LEMD1: variants seen among roughly 807,000 people sequenced by gnomAD.
The protein encoded by LEMD1 is LEM domain containing 1.
Under a neutral mutation model 17.4 loss-of-function variants are expected in LEMD1, and 18 were observed. The observed-to-expected ratio is 1.04, with a 90% CI of 0.72 to 1.54. The LOEUF (loss-of-function observed/expected upper bound fraction) is 1.54. LEMD1 is among the 40% of genes most tolerant of loss of function. The probability of loss-of-function intolerance (pLI) is 0.00; values close to 1 mark genes in which losing one functional copy is unlikely to be tolerated. For missense variants in LEMD1, 195 were observed against 210.4 expected, an observed-to-expected ratio of 0.93 and a Z score of 0.45; for synonymous variants, 88 against 77.8, an observed-to-expected ratio of 1.13 and a Z score of -0.69.
chr1:205,394,399 T>A (rs1002973924), intron 4 of LEMD1, among the ~76,000 whole-genome samples: 1 of 150,560 alleles, frequency 6.6e-6, no homozygotes, highest in Non-Finnish European at 1.5e-5. Context: ...TAATTAATTT[T>A]TTGAGATGGA....
chr1:205,439,105 C>T (rs1666253019), intron 1 of LEMD1, among the ~76,000 whole-genome samples: 1 of 152,210 alleles, frequency 6.6e-6, no homozygotes, highest in African/African-American at 2.4e-5. Context: ...ACATGCCCTC[C>T]AGGAGGCTCT....
chr1:205,390,979 G>A (rs537926745), intron 4 of LEMD1, among the ~76,000 whole-genome samples: 193 of 151,486 alleles, frequency 1.3e-3, no homozygotes, highest in Non-Finnish European at 2.2e-3. Context: ...TGGGCGATGC[G>A]ATCATTAGAA....
chr1:205,417,679 G>A lies in LEMD1; in HGVS notation c.206-1383C>T, dbSNP rs573599473. Among the ~76,000 whole-genome samples, 16 of 152,092 alleles carry A rather than the reference G, an allele frequency of 1.1e-4. No individual in the cohort carries two copies. The South Asian group carries it at 1.7e-3, about 16-fold the overall frequency. ...GCCATCCTTTTCAAGTGAGGCCAGC[G>A]GTGCAAAACCCCTGGGGAAAGCTTT... On this transcript the variant is annotated intron_variant, in intron 3 of 5. Coordinates refer to ENST00000367153, the MANE Select transcript of LEMD1 (RefSeq NM_001199050.2).
chr1:205,412,576 G>T lies in LEMD1; in HGVS notation c.270+3656C>A, dbSNP rs538655605. Among the ~76,000 whole-genome samples the T allele has an allele frequency of 3.3e-5, 5 of 152,252 alleles. No individual in the cohort carries two copies. In the East Asian group the frequency reaches 9.6e-4, roughly 29 times the overall value. On this transcript the variant is annotated intron_variant, in intron 4 of 5. Transcript: ENST00000367153. ...AGAAGACTGTTAGGTACAAACAAAT[G>T]CTCTTAAGTAATTAAAGTCTACAGT...
At chr1:205,382,014 T>C in intron 5 of LEMD1, 158 bp from the exon 6 acceptor site, 2 of 663,780 alleles carry the variant, frequency 3.0e-6, no homozygotes, top group East Asian at 5.2e-5. Context: ...TCTTTTTTTT[T>C]CTTTTAAGAC....
chr1:205,411,671 A>AAAGAAAGAAAAG (rs952549403), intron 4 of LEMD1, among the ~76,000 whole-genome samples: 5 of 146,168 alleles, frequency 3.4e-5, no homozygotes, highest in South Asian at 2.2e-4. Context: ...AGAAAGAAAG[A>AAAGAAAGAAAAG]AAAGAAAGAA....
intron 4 of LEMD1, among the ~76,000 whole-genome samples, chr1:205,412,133 AC>A (rs1207518826): frequency 2.6e-5 from 4 of 152,168 alleles, no homozygotes; most frequent in Non-Finnish European, 4.4e-5. Flanking sequence ...TTATACGGCC[AC>A]CTTACTCAAA....
intron 4 of LEMD1, among the ~76,000 whole-genome samples, chr1:205,399,875 TGAA>T (rs1431732187): frequency 3.9e-5 from 6 of 152,058 alleles, no homozygotes; most frequent in African/African-American, 1.4e-4. Flanking sequence ...AACTAATAAA[TGAA>T]GAAGGACTGA....
intron 4 of LEMD1, among the ~76,000 whole-genome samples, chr1:205,402,922 T>C (rs1166998736): frequency 6.6e-6 from 1 of 152,058 alleles, no homozygotes; most frequent in Non-Finnish European, 1.5e-5. Context: ...GGTTGTTGAA[T>C]TTTGTCAAAG....
chr1:205,441,814 A>C lies in LEMD1; in HGVS notation c.-39+8054T>G, dbSNP rs1179183452. On this transcript the variant is annotated intron_variant, in intron 1 of 3. Coordinates refer to the LEMD1 transcript ENST00000367154. This position sits in a 1 kb window ranked among gnomAD's most constrained non-coding sequence, Gnocchi z 4.3. Reference sequence around the variant, plus strand: ...GACATGGTTTCTTCCCTGGCACATAAGTCTGAGGTAGAGGCTGAGGCTGGA... The same window carrying C: ...GACATGGTTTCTTCCCTGGCACATACGTCTGAGGTAGAGGCTGAGGCTGGA... Among the ~76,000 whole-genome samples the C allele has an allele frequency of 6.6e-6, 1 of 152,156 alleles. No individual in the cohort carries two copies. The highest frequency in any genetic ancestry group is 2.4e-5 in the African/African-American group (1 of 41,428).
chr1:205,395,048 A>T (rs189645305), intron 4 of LEMD1, among the ~76,000 whole-genome samples: 1 of 152,102 alleles, frequency 6.6e-6, no homozygotes, highest in Admixed American at 6.6e-5. Context: ...AAAAATCTTG[A>T]TTCTTGTCAT....
At chr1:205,428,883 G>A (rs750728929) in intron 1 of LEMD1, among the ~76,000 whole-genome samples, 1 of 152,156 alleles carries the variant, frequency 6.6e-6, no homozygotes, top group Non-Finnish European at 1.5e-5. Context: ...AGTGGAGAGT[G>A]TCAGGAATGA....
Position 205,381,611 on chromosome 1 carries a change from C to T in LEMD1, c.*47G>A. 6.3e-7 allele frequency: 1 copy of T among 1,591,994 alleles called. No individual in the cohort carries two copies. The highest frequency in any genetic ancestry group is 8.6e-7 in the Non-Finnish European group (1 of 1,159,944). ...TTCAGGGTAGTGTTTTGGTTCTTTC[C>T]TGAAGCAGGAGGCCTCGCTTGGAGC... On this transcript the variant is annotated 3_prime_UTR_variant, in exon 6 of 6. Coordinates refer to ENST00000367153, the MANE Select transcript of LEMD1 (RefSeq NM_001199050.2).
intron 1 of LEMD1, among the ~76,000 whole-genome samples, chr1:205,447,371 G>C (rs1666410773): frequency 6.6e-6 from 1 of 152,100 alleles, no homozygotes; most frequent in Admixed American, 6.5e-5. Context: ...TGAAATTAAG[G>C]GCTCTGAGAT....
Position 205,419,247 on chromosome 1 carries a change from T to A in LEMD1, c.188A>T (p.Asp63Val). 1 of 1,614,224 alleles carries A rather than the reference T, an allele frequency of 6.2e-7. No individual in the cohort carries two copies. The highest frequency in any genetic ancestry group is 8.5e-7 in the Non-Finnish European group (1 of 1,180,026). Residue 63 changes from aspartate to valine, a missense_variant, in exon 3 of 6, where the codon GAC (aspartate) becomes GTC (valine). Transcript: ENST00000367153. ...NGPRELDGAQ[D>V]SDDSEELNII... ...GGCGGTACCTTCGCTGTCATCACTG[T>A]CCTGCGCTCCATCCAGCTCTCTGGG...
At chr1:205,410,396 C>T (rs1274567398) in intron 4 of LEMD1, among the ~76,000 whole-genome samples, 2 of 152,176 alleles carry the variant, frequency 1.3e-5, no homozygotes, top group African/African-American at 2.4e-5. Flanking sequence ...GGGGTGGAAA[C>T]TCTGTTGCAA....
upstream of LEMD1, among the ~76,000 whole-genome samples, chr1:205,424,481 A>C (rs1666030460): frequency 6.6e-6 from 1 of 152,218 alleles, no homozygotes; most frequent in Admixed American, 6.5e-5. Context: ...TAAATCAAGG[A>C]GAGGTAGAGG....
At chr1:205,417,479 G>A (rs914198314) in intron 3 of LEMD1, among the ~76,000 whole-genome samples, 2 of 152,146 alleles carry the variant, frequency 1.3e-5, no homozygotes, top group Non-Finnish European at 2.9e-5. Flanking sequence ...TCACCAGAGT[G>A]TTGGTTTGGT....
chr1:205,410,139 C>G (rs1285468101), intron 4 of LEMD1, among the ~76,000 whole-genome samples: 1 of 151,992 alleles, frequency 6.6e-6, no homozygotes, highest in Non-Finnish European at 1.5e-5. Context: ...CCAAACTGGT[C>G]TTGCACTCCT....
Sources: allele counts gnomAD v4.1 joint callset (sites outside exome capture counted in the v4.1 genomes callset), GRCh38; gene constraint gnomAD v4.1.1; non-coding constraint Gnocchi (gnomAD v3.1); transcripts MANE v1.5; gene names NCBI Gene and HGNC (gene_info 2026-07-23, HGNC 2026-07-21).